The following PDE5A variants were observed in gnomAD, a reference collection of about 807,000 sequenced individuals.
PDE5A encodes cGMP-specific 3',5'-cyclic phosphodiesterase.
A neutral mutation model predicts 110.2 loss-of-function variants in PDE5A; 67 were observed. That is an observed-to-expected ratio of 0.61 (90% CI 0.50 to 0.75). The LOEUF is 0.75. Ranked by LOEUF, PDE5A falls within the 30% of genes least tolerant of loss-of-function variation. PDE5A has a pLI of 0.00. For missense variants in PDE5A, 862 were observed against 1,045.1 expected (o/e 0.82, Z 2.42); for synonymous variants, 328 against 351.2 (o/e 0.93, Z 0.74).
chr4:119,588,541 A>T (rs1486280275), intron 3 of PDE5A, among the ~76,000 whole-genome samples: 1 of 152,062 alleles, frequency 6.6e-6, no homozygotes, highest in African/African-American at 2.4e-5. Context: ...AAAAAAAAAA[A>T]AAAGAATCTA....
intron 12 of PDE5A, 93 bp from the exon 13 acceptor site, chr4:119,521,153 C>T: frequency 4.1e-6 from 5 of 1,232,178 alleles, no homozygotes; most frequent in African/African-American, 1.5e-5. Flanking sequence ...CACATTTAGC[C>T]TGATACTCCG....
intron 20 of PDE5A, chr4:119,500,962 A>G: frequency 1.9e-6 from 1 of 527,108 alleles, no homozygotes; most frequent in African/African-American, 1.9e-5. Context: ...TTTGTTGGAG[A>G]TTAGCACATA....
chr4:119,502,790 G>A, intron 18 of PDE5A, 135 bp from the exon 19 acceptor site: 1 of 608,640 alleles, frequency 1.6e-6, no homozygotes, highest in South Asian at 2.0e-5. Context: ...GATACCCGAA[G>A]ACAAGTAGTC....
intron 9 of PDE5A, chr4:119,550,119 T>G (rs569212222): frequency 4.3e-4 from 66 of 152,352 alleles, no homozygotes; most frequent in African/African-American, 1.6e-3. Flanking sequence ...CTTAGTTTTG[T>G]CACCCTTGTA....
At chr4:119,511,468 C>T (rs1725741922) in intron 14 of PDE5A, among the ~76,000 whole-genome samples, 1 of 151,908 alleles carries the variant, frequency 6.6e-6, no homozygotes, top group Non-Finnish European at 1.5e-5. Context: ...ATAGTTGTAC[C>T]AATTATATTT....
intron 11 of PDE5A, among the ~76,000 whole-genome samples, chr4:119,537,634 AC>A (rs143671032): frequency 0.014 from 2,118 of 151,844 alleles, 55 homozygotes; most frequent in African/African-American, 0.048. Context: ...CAATTGATGC[AC>A]CCCTATGATT....
At chr4:119,623,429 T>C (rs1578837962) in intron 1 of PDE5A, among the ~76,000 whole-genome samples, 1 of 152,218 alleles carries the variant, frequency 6.6e-6, no homozygotes, top group Non-Finnish European at 1.5e-5. Flanking sequence ...TATCCCACAA[T>C]TGGCTGTTGG....
At position 119,627,186 on chromosome 4, in the gene PDE5A, G is replaced by T; in HGVS notation, c.152+1334C>A. The T allele has an allele frequency of 6.2e-7, 1 of 1,612,840 alleles. No individual in the cohort carries two copies. The highest frequency in any genetic ancestry group is 1.7e-5 in the Admixed American group (1 of 59,882). On this transcript the variant is annotated intron_variant, in intron 1 of 20. Coordinates refer to ENST00000354960, the MANE Select transcript of PDE5A (RefSeq NM_001083.4). This position sits in a 1 kb window ranked among gnomAD's most constrained non-coding sequence, Gnocchi z 4.6. ...TCCAAAGGGCAACATAGCAAACGTG[G>T]GAAGTTCGTTTTCGAACTCCGCCGA... is the stretch of plus-strand genomic sequence containing the variant.
intron 1 of PDE5A, among the ~76,000 whole-genome samples, chr4:119,621,175 T>C (rs1730129335): frequency 6.6e-6 from 1 of 152,220 alleles, no homozygotes; most frequent in East Asian, 1.9e-4. Context: ...TTCACTAACA[T>C]TAAAATAAAA....
intron 10 of PDE5A, among the ~76,000 whole-genome samples, chr4:119,540,728 A>T (rs1473424028): frequency 7.2e-5 from 11 of 152,202 alleles, no homozygotes; most frequent in Non-Finnish European, 2.9e-5. Flanking sequence ...TTTTATTGTC[A>T]TCATTATTTT....
chr4:119,542,238 T>A (rs1354401993), intron 10 of PDE5A, among the ~76,000 whole-genome samples: 1 of 152,096 alleles, frequency 6.6e-6, no homozygotes, highest in Admixed American at 6.6e-5. Flanking sequence ...ACATCCTGAG[T>A]TGTGGTTTGG....
intron 1 of PDE5A, among the ~76,000 whole-genome samples, chr4:119,608,888 G>A (rs570917780): frequency 4.0e-4 from 61 of 152,266 alleles, no homozygotes; most frequent in Middle Eastern, 3.4e-3. Flanking sequence ...TAGGCCAGGC[G>A]CGGTGGCTCA....
At chr4:119,529,582 C>T (rs1365326968) in intron 11 of PDE5A, among the ~76,000 whole-genome samples, 1 of 152,156 alleles carries the variant, frequency 6.6e-6, no homozygotes, top group Non-Finnish European at 1.5e-5. Context: ...CTGCAGCTTG[C>T]AGTTCTGCTA....
Position 119,504,548 on chromosome 4 carries a change from A to G in PDE5A, c.2319T>C (p.Pro773=). 1.2e-6 allele frequency: 2 copies of G among 1,611,546 alleles called. No homozygotes were observed. Among genetic ancestry groups the G allele is most frequent in the Non-Finnish European group, 8.5e-7 (1 of 1,178,380 alleles). ...CDLSAITKPW[P]IQQRIAELVA... is the part of the protein sequence containing the mutation. ...CTAAGTAACATACCCGTTGTTGAAT[A>G]GGCCAGGGTTTTGTAATTGCAGAAA... The change falls in exon 18 of 21, where the codon CCT becomes CCC. Residue 773 remains proline, a synonymous_variant. Coordinates refer to ENST00000354960, the MANE Select transcript of PDE5A (RefSeq NM_001083.4).
chr4:119,498,429 T>C lies in PDE5A; in HGVS notation c.*172A>G, dbSNP rs1725165436. ...AAACAAATATACAAAAAATATGTAA[T>C]AGTCCTCTAAAAACATTCATGCTAT... On this transcript the variant is annotated 3_prime_UTR_variant, in exon 21 of 21. Coordinates refer to ENST00000354960, the MANE Select transcript of PDE5A (RefSeq NM_001083.4). 4.8e-6 allele frequency: 3 copies of C among 622,914 alleles called. No homozygotes were observed. The allele number at this position is 622,914 out of a possible 1,614,324, so 38.6% of individuals were successfully genotyped here.
intron 1 of PDE5A, among the ~76,000 whole-genome samples, chr4:119,610,960 C>G (rs1018911510): frequency 2.6e-4 from 39 of 152,128 alleles, no homozygotes; most frequent in African/African-American, 8.2e-4. Context: ...TCTTAGCTAC[C>G]CTACTTGGCT....
intron 1 of PDE5A, among the ~76,000 whole-genome samples, chr4:119,615,679 A>G (rs539308182): frequency 2.0e-5 from 3 of 152,250 alleles, no homozygotes; most frequent in East Asian, 3.9e-4. Context: ...CTGAGCAAAA[A>G]CAACAAAACA....
At chr4:119,535,768 G>A (rs1726705694) in intron 11 of PDE5A, among the ~76,000 whole-genome samples, 1 of 152,044 alleles carries the variant, frequency 6.6e-6, no homozygotes, top group Non-Finnish European at 1.5e-5. Context: ...TAATTACTTT[G>A]TTATAACTGG....
At chr4:119,612,490 C>A (rs917966024) in intron 1 of PDE5A, among the ~76,000 whole-genome samples, 7 of 152,208 alleles carry the variant, frequency 4.6e-5, no homozygotes, top group Non-Finnish European at 1.0e-4. Context: ...CTGAAAGCTT[C>A]CTGAGGCCTC....
Sources: allele counts gnomAD v4.1 joint callset (sites outside exome capture counted in the v4.1 genomes callset), GRCh38; gene constraint gnomAD v4.1.1; non-coding constraint Gnocchi (gnomAD v3.1); transcripts MANE v1.5; gene names NCBI Gene and HGNC (gene_info 2026-07-23, HGNC 2026-07-21).